NACC2: variants seen among roughly 807,000 people sequenced by gnomAD.
NACC2 encodes NACC family member 2.
In NACC2, 8 loss-of-function variants were observed where a neutral mutation model predicts 25.1. That is an observed-to-expected ratio of 0.32 (90% CI 0.19 to 0.57). The LOEUF (loss-of-function observed/expected upper bound fraction) is 0.57, where lower values mean the gene tolerates loss of function less well. NACC2 is among the 20% of genes least tolerant of loss of function. The probability of loss-of-function intolerance (pLI) is 0.89; values close to 1 mark genes in which losing one functional copy is unlikely to be tolerated. For missense variants in NACC2, 644 were observed against 650.2 expected (o/e 0.99, Z 0.10); for synonymous variants, 435 against 294.7 (o/e 1.48, Z -4.88).
intron 1 of NACC2, among the ~76,000 whole-genome samples, chr9:136,080,495 C>T (rs1195603976): frequency 6.6e-6 from 1 of 152,166 alleles, no homozygotes; most frequent in Non-Finnish European, 1.5e-5. Flanking sequence ...TTGCTTCAAC[C>T]TGGGAGGCAG....
rs1334811292 is a variant in NACC2, at chr9:136,006,663, C to T, written c.*4853G>A. 6.6e-6 allele frequency: 1 copy of T among 152,220 alleles called. No individual in the cohort carries two copies. The highest frequency in any genetic ancestry group is 1.5e-5 in the Non-Finnish European group (1 of 68,046). The allele number at this position is 152,220 out of a possible 1,614,324, so 9.4% of individuals were successfully genotyped here. On this transcript the variant is annotated 3_prime_UTR_variant, in exon 6 of 6. Transcript: ENST00000277554. ...GAAACGGCTCTGAGCACGCTTGAAG[C>T]CCTCGGTTTCCCTGTTCGCTTTTGA...
At chr9:136,044,028 T>C (rs1170184043) in intron 2 of NACC2, among the ~76,000 whole-genome samples, 3 of 152,152 alleles carry the variant, frequency 2.0e-5, no homozygotes, top group Non-Finnish European at 2.9e-5. Context: ...TTTCGCCATG[T>C]TGGCCAGCCA....
chr9:136,090,782 C>T (rs1236802667), intron 1 of NACC2, among the ~76,000 whole-genome samples: 2 of 152,216 alleles, frequency 1.3e-5, no homozygotes, highest in Non-Finnish European at 2.9e-5. Context: ...AGGCCACCCC[C>T]AGCCCAGGGC....
chr9:136,093,187 C>T (rs1376203620), intron 1 of NACC2, among the ~76,000 whole-genome samples: 1 of 152,220 alleles, frequency 6.6e-6, no homozygotes, highest in African/African-American at 2.4e-5. Context: ...ACACTGCCCA[C>T]AAACCAGGAA....
intron 1 of NACC2, among the ~76,000 whole-genome samples, chr9:136,051,248 G>T (rs1840829565): frequency 6.6e-6 from 1 of 152,182 alleles, no homozygotes; most frequent in South Asian, 2.1e-4. Context: ...ACCACCCTGG[G>T]CGCGCCCGCT....
chr9:136,076,887 G>A (rs372579798), intron 1 of NACC2, among the ~76,000 whole-genome samples: 26 of 151,950 alleles, frequency 1.7e-4, no homozygotes, highest in African/African-American at 5.3e-4. Flanking sequence ...GCGGGCGCCT[G>A]TAGTCCCAGC....
intron 1 of NACC2, among the ~76,000 whole-genome samples, chr9:136,062,650 C>A (rs557205119): frequency 6.6e-6 from 1 of 152,360 alleles, no homozygotes; most frequent in Admixed American, 6.5e-5. Flanking sequence ...CACAGTGGCT[C>A]ATGCCTGTAA....
chr9:136,026,212 G>A (rs559422017), intron 2 of NACC2, among the ~76,000 whole-genome samples: 13 of 151,650 alleles, frequency 8.6e-5, no homozygotes, highest in East Asian at 5.8e-4. Flanking sequence ...GTGGTGGTGC[G>A]CACCTGTAAT....
chr9:136,093,971 G>A (rs1830459539), intron 1 of NACC2, among the ~76,000 whole-genome samples: 1 of 152,258 alleles, frequency 6.6e-6, no homozygotes, highest in South Asian at 2.1e-4. Context: ...GACGAAAAGA[G>A]GGGTGGGTGA....
rs980282285 is a variant in NACC2, at chr9:136,018,087, C to T, written c.887-1658G>A. Among the ~76,000 whole-genome samples, 5 of 152,164 alleles carry T rather than the reference C, an allele frequency of 3.3e-5. No homozygotes were observed. Among genetic ancestry groups the T allele is most frequent in the Admixed American group, 2.6e-4 (4 of 15,282 alleles). ...AGAGGGAGGGGTGGGGTGGAACCTGCACGTCCAGCAGGCTCGGGGCAGGCA... is the reference window on the plus strand; with the variant it reads ...AGAGGGAGGGGTGGGGTGGAACCTGTACGTCCAGCAGGCTCGGGGCAGGCA... On this transcript the variant is annotated intron_variant, in intron 2 of 5. Coordinates refer to ENST00000277554, the MANE Select transcript of NACC2 (RefSeq NM_144653.5). The surrounding 1 kb of genome is among the most constrained non-coding windows in gnomAD (Gnocchi z 4.4).
chr9:136,026,928 G>A (rs1840400929), intron 2 of NACC2, among the ~76,000 whole-genome samples: 2 of 152,212 alleles, frequency 1.3e-5, no homozygotes, highest in African/African-American at 4.8e-5. Context: ...AAACACTCCA[G>A]TAGAAAATAA....
At chr9:136,040,676 A>T (rs1405121394) in intron 2 of NACC2, among the ~76,000 whole-genome samples, 2 of 152,164 alleles carry the variant, frequency 1.3e-5, no homozygotes, top group African/African-American at 4.8e-5. Flanking sequence ...CACAAGAAAA[A>T]TGGCCAGGCG....
chr9:136,024,370 A>AGGACAGAG (rs1564221615), intron 2 of NACC2, among the ~76,000 whole-genome samples: 161 of 79,938 alleles, frequency 2.0e-3, no homozygotes, highest in African/African-American at 2.4e-3. Flanking sequence ...TGAGGACAGA[A>AGGACAGAG]GGTGTGTGTG....
intron 1 of NACC2, among the ~76,000 whole-genome samples, chr9:136,085,331 A>T (rs1285465804): frequency 6.6e-5 from 10 of 151,560 alleles, no homozygotes; most frequent in African/African-American, 2.4e-4. Flanking sequence ...AATTTTTTTA[A>T]TTAGCCAGAT....
chr9:136,033,664 A>G (rs947828164), intron 2 of NACC2, among the ~76,000 whole-genome samples: 75 of 151,636 alleles, frequency 4.9e-4, no homozygotes, highest in African/African-American at 1.8e-3. Context: ...AAAAAAAAAA[A>G]AAAAGAACTT....
At chr9:136,085,115 A>G (rs1171725278) in intron 1 of NACC2, among the ~76,000 whole-genome samples, 1 of 148,448 alleles carries the variant, frequency 6.7e-6, no homozygotes, top group African/African-American at 2.5e-5. Flanking sequence ...CCTGGGCAAC[A>G]TAGGAAGACT....
chr9:136,067,745 G>C (rs565411435), intron 1 of NACC2, among the ~76,000 whole-genome samples: 13 of 152,340 alleles, frequency 8.5e-5, no homozygotes, highest in Admixed American at 6.5e-5. Context: ...TGAGGCAGGA[G>C]AATCACTTGA....
Position 136,095,238 on chromosome 9 carries a change from G to A in NACC2, c.-109C>T, listed in dbSNP as rs1176431206. The A allele has an allele frequency of 6.8e-6, 1 of 147,356 alleles. No homozygotes were observed. The highest frequency in any genetic ancestry group is 2.0e-4 in the East Asian group (1 of 5,094). 9.1% of individuals were successfully genotyped at this position (147,356 alleles called of 1,614,324 possible). On this transcript the variant is annotated 5_prime_UTR_variant, in exon 1 of 6. Transcript: ENST00000277554. Reference sequence around the variant, plus strand: ...CCTGGGCAGCTGCGGCGCGCCGCCCGCGGCAGGAAGTGCTTGGCGTCCCGG... The same window carrying A: ...CCTGGGCAGCTGCGGCGCGCCGCCCACGGCAGGAAGTGCTTGGCGTCCCGG...
intron 1 of NACC2, among the ~76,000 whole-genome samples, chr9:136,070,566 C>T (rs1346703194): frequency 6.6e-6 from 1 of 151,120 alleles, no homozygotes; most frequent in African/African-American, 2.5e-5. Context: ...TGTGGGACAC[C>T]ACTTAGGTGG....
Sources: allele counts gnomAD v4.1 joint callset (sites outside exome capture counted in the v4.1 genomes callset), GRCh38; gene constraint gnomAD v4.1.1; non-coding constraint Gnocchi (gnomAD v3.1); transcripts MANE v1.5; gene names NCBI Gene and HGNC (gene_info 2026-07-23, HGNC 2026-07-21).